The following CAST variants were observed in gnomAD, a reference collection of about 807,000 sequenced individuals.
CAST encodes the protein calpastatin.
CAST carries 76 observed loss-of-function variants against 119.6 expected under a neutral mutation model. The ratio of observed to expected loss-of-function variants is 0.64; its 90% CI spans 0.53 to 0.77. CAST has a LOEUF of 0.77. Ranked by LOEUF, CAST falls within the 30% of genes least tolerant of loss-of-function variation. The probability of loss-of-function intolerance (pLI) is 0.00; values close to 1 mark genes in which losing one functional copy is unlikely to be tolerated. For synonymous variants in CAST, 319 were observed against 331.6 expected (o/e 0.96, Z 0.41); for missense variants, 953 against 946.5 (o/e 1.01, Z -0.09).
At chr5:96,668,150 GCACACACACA>G (rs10534655) in intron 1 of CAST, among the ~76,000 whole-genome samples, 1 of 149,626 alleles carries the variant, frequency 6.7e-6, no homozygotes, top group Non-Finnish European at 1.5e-5. Context: ...AGACACGCGT[GCACACACACA>G]CACACACACA....
chr5:96,313,153 C>T, the CAST span, among the ~76,000 whole-genome samples: 1 of 152,082 alleles, frequency 6.6e-6, no homozygotes, highest in African/African-American at 2.4e-5. Context: ...CTTTCTTCAA[C>T]TCAAGTTTTT....
chr5:96,589,598 G>T (rs1933205476), intron 1 of CAST, among the ~76,000 whole-genome samples: 1 of 152,086 alleles, frequency 6.6e-6, no homozygotes, highest in Non-Finnish European at 1.5e-5. Flanking sequence ...TGCATTCATT[G>T]ACAGAGAAAC....
upstream of CAST, among the ~76,000 whole-genome samples, chr5:96,527,136 A>G (rs1372187970): frequency 6.6e-6 from 1 of 152,216 alleles, no homozygotes; most frequent in Non-Finnish European, 1.5e-5. Flanking sequence ...ATATACATTT[A>G]TCTCAGGGTA....
At chr5:96,208,572 T>A in the CAST span, among the ~76,000 whole-genome samples, 1 of 152,060 alleles carries the variant, frequency 6.6e-6, no homozygotes, top group Non-Finnish European at 1.5e-5. Flanking sequence ...TTTGCTTTAA[T>A]TTCATTGTTT....
chr5:96,742,966 A>G (rs555781945), intron 16 of CAST, among the ~76,000 whole-genome samples: 1 of 152,324 alleles, frequency 6.6e-6, no homozygotes, highest in East Asian at 1.9e-4. Flanking sequence ...TAACATTTGA[A>G]ATGAACACGA....
intron 1 of CAST, among the ~76,000 whole-genome samples, chr5:96,559,242 G>A (rs1373766494): frequency 1.3e-5 from 2 of 152,120 alleles, no homozygotes; most frequent in South Asian, 2.1e-4. Flanking sequence ...CAAACCCACA[G>A]CCAATATCAT....
chr5:96,697,457 C>G (rs1430708294), intron 3 of CAST, among the ~76,000 whole-genome samples: 2 of 152,182 alleles, frequency 1.3e-5, no homozygotes, highest in East Asian at 3.8e-4. Flanking sequence ...AGCTCTAACG[C>G]TAAATACCAT....
chr5:96,444,296 G>A, the CAST span, among the ~76,000 whole-genome samples: 82 of 152,300 alleles, frequency 5.4e-4, no homozygotes, highest in African/African-American at 1.9e-3. Flanking sequence ...CACTGTATTG[G>A]TGATGGAAGT....
the CAST span, among the ~76,000 whole-genome samples, chr5:96,164,961 C>T: frequency 2.6e-5 from 4 of 151,740 alleles, no homozygotes; most frequent in African/African-American, 4.8e-5. Flanking sequence ...TGGGGTGGAA[C>T]GTGAAGAATG....
At chr5:96,741,381 G>T in intron 14 of CAST, 23 bp downstream of exon 14, 1 of 1,556,396 alleles carries the variant, frequency 6.4e-7, no homozygotes, top group South Asian at 1.1e-5. Context: ...GTGTTGTTAA[G>T]GGAAACTTGT....
the CAST span, among the ~76,000 whole-genome samples, chr5:96,039,044 A>T: frequency 6.6e-6 from 1 of 152,098 alleles, no homozygotes; most frequent in Non-Finnish European, 1.5e-5. Flanking sequence ...TTGTTTCCTG[A>T]TATTTTAATG....
the CAST span, among the ~76,000 whole-genome samples, chr5:96,364,697 A>G: frequency 2.0e-5 from 3 of 152,046 alleles, no homozygotes; most frequent in Non-Finnish European, 4.4e-5. Context: ...TATTGCGTCT[A>G]TTTGATTCTT....
chr5:96,055,198 C>T, the CAST span, among the ~76,000 whole-genome samples: 1 of 152,042 alleles, frequency 6.6e-6, no homozygotes, highest in Non-Finnish European at 1.5e-5. Flanking sequence ...CCACCTCAGA[C>T]CTTTCCCTCT....
the CAST span, among the ~76,000 whole-genome samples, chr5:96,363,526 A>G: frequency 6.6e-6 from 1 of 152,082 alleles, no homozygotes; most frequent in Non-Finnish European, 1.5e-5. Context: ...AGTGGTTTGT[A>G]GTTCTCCTTG....
At chr5:96,258,299 G>A in the CAST span, among the ~76,000 whole-genome samples, 3 of 152,236 alleles carry the variant, frequency 2.0e-5, no homozygotes, top group Middle Eastern at 3.4e-3. Context: ...TCAGAGGCAG[G>A]TCTAAGCTAT....
rs530022159 is a variant in CAST, at chr5:96,534,800, A to G, written c.60+4920A>G. On this transcript the variant is annotated intron_variant, in intron 1 of 11. Transcript: ENST00000505143. ...AAGAAAGAAAGAAAGAAAGAAAGAA[A>G]GAAGAAAGAAAGAAAGAAAGAAAAG... Among the ~76,000 whole-genome samples the G allele has an allele frequency of 1.8e-3, 209 of 118,986 alleles. 5 individuals carry two copies. The highest frequency in any genetic ancestry group is 5.9e-3 in the African/African-American group (187 of 31,600). The allele number at this position is 118,986 out of a possible 152,430, so 78.1% of individuals were successfully genotyped here.
intron 1 of CAST, chr5:96,584,779 G>A (rs1746828466): frequency 6.6e-6 from 1 of 152,262 alleles, no homozygotes; most frequent in East Asian, 1.9e-4. Flanking sequence ...GTTGGCACTG[G>A]TGTTTCTGTG....
upstream of CAST, among the ~76,000 whole-genome samples, chr5:96,658,369 C>A (rs949486552): frequency 2.6e-5 from 4 of 152,044 alleles, no homozygotes; most frequent in Admixed American, 6.6e-5. Flanking sequence ...GGAAAAAGCA[C>A]CCATTATTGG....
intron 1 of CAST, among the ~76,000 whole-genome samples, chr5:96,533,609 C>A (rs1388227458): frequency 2.6e-5 from 4 of 152,172 alleles, no homozygotes; most frequent in African/African-American, 7.2e-5. Context: ...CAAACCACGG[C>A]ATGGTGGTAC....
Sources: gnomAD v4.1 joint callset for allele counts (sites outside exome capture counted in the v4.1 genomes callset) on GRCh38, gnomAD v4.1.1 for gene constraint, MANE v1.5 for transcripts, NCBI Gene and HGNC (gene_info 2026-07-23, HGNC 2026-07-21) for gene names.